The following IRAG1 variants were observed in gnomAD, a reference collection of about 807,000 sequenced individuals.
The protein encoded by IRAG1 is inositol 1,4,5-triphosphate receptor associated 1.
Under a neutral mutation model 106.2 loss-of-function variants are expected in IRAG1, and 62 were observed. That is an observed-to-expected ratio of 0.58 (90% CI 0.48 to 0.72). The LOEUF (loss-of-function observed/expected upper bound fraction) is 0.72, where lower values mean the gene tolerates loss of function less well. Ranked by LOEUF, IRAG1 falls within the 30% of genes least tolerant of loss-of-function variation. IRAG1 has a pLI of 0.00. For synonymous variants in IRAG1, 462 were observed against 443.9 expected, an observed-to-expected ratio of 1.04 and a Z score of -0.51; for missense variants, 1,064 against 1,140.7, an observed-to-expected ratio of 0.93 and a Z score of 0.97.
At chr11:10,674,463 A>G (rs904130851) in intron 1 of IRAG1, among the ~76,000 whole-genome samples, 1 of 152,162 alleles carries the variant, frequency 6.6e-6, no homozygotes, top group African/African-American at 2.4e-5. Flanking sequence ...GACAGGATTC[A>G]TCCCTCACTC....
chr11:10,664,090 T>C (rs964202881), intron 1 of IRAG1, among the ~76,000 whole-genome samples: 4 of 152,124 alleles, frequency 2.6e-5, no homozygotes, highest in Admixed American at 6.5e-5. Flanking sequence ...TCTTGATCAT[T>C]CTAGATCCCA....
rs554393428 is a variant in IRAG1 at position 10,684,455 on chromosome 11, T to C, written c.67+9081A>G. 4.6e-5 allele frequency among the ~76,000 whole-genome samples: 7 copies of C among 151,490 alleles called. No individual in the cohort carries two copies. The South Asian group carries it at 1.5e-3, about 32-fold the overall frequency. On this transcript the variant is annotated intron_variant, in intron 1 of 20. Transcript: ENST00000423302. ...GGGAACATCACACTCTGGGGACTGTTGTGGGGTGGGGAGAGCGGGGAGGGA... is the reference window on the plus strand; with the variant it reads ...GGGAACATCACACTCTGGGGACTGTCGTGGGGTGGGGAGAGCGGGGAGGGA...
chr11:10,640,593 A>T (rs1857442197), intron 2 of IRAG1, among the ~76,000 whole-genome samples: 1 of 152,210 alleles, frequency 6.6e-6, no homozygotes, highest in African/African-American at 2.4e-5. Flanking sequence ...ACAGTAATCC[A>T]GGAGAGAGTG....
At chr11:10,693,130 G>A (rs111769196) in intron 1 of IRAG1, among the ~76,000 whole-genome samples, 1 of 152,120 alleles carries the variant, frequency 6.6e-6, no homozygotes, top group African/African-American at 2.4e-5. Context: ...GGCGTAGGGG[G>A]ACAGAGAGAG....
chr11:10,597,023 G>A (rs769248256), intron 15 of IRAG1, among the ~76,000 whole-genome samples: 4 of 152,138 alleles, frequency 2.6e-5, no homozygotes, highest in Non-Finnish European at 4.4e-5. Flanking sequence ...GAAGAAACAG[G>A]GCAAACTGCA....
chr11:10,651,239 T>C (rs1858473047), intron 2 of IRAG1, among the ~76,000 whole-genome samples: 1 of 152,204 alleles, frequency 6.6e-6, no homozygotes, highest in African/African-American at 2.4e-5. Context: ...GATGCTCAAA[T>C]AGGTTCTTCA....
chr11:10,658,027 T>C (rs943956915), intron 1 of IRAG1, among the ~76,000 whole-genome samples: 13 of 152,254 alleles, frequency 8.5e-5, no homozygotes, highest in African/African-American at 3.1e-4. Flanking sequence ...GTGTCTGTGC[T>C]GTGAAAGCAG....
intron 2 of IRAG1, among the ~76,000 whole-genome samples, 173 bp downstream of exon 2, chr11:10,651,852 C>T (rs1286875831): frequency 6.6e-6 from 1 of 152,250 alleles, no homozygotes; most frequent in Non-Finnish European, 1.5e-5. Flanking sequence ...TTCAAACCAA[C>T]TCAGAGTAAT....
intron 8 of IRAG1, 145 bp downstream of exon 8, chr11:10,627,571 A>G (rs1856346641): frequency 1.3e-6 from 1 of 774,892 alleles, no homozygotes; most frequent in Admixed American, 2.3e-5. Context: ...AAGGCAGGGG[A>G]ATCTGCTGTT....
At position 10,653,709 on chromosome 11, in the gene IRAG1, A is replaced by G. The variant is rs558902417; in HGVS notation, c.68-1527T>C. On this transcript the variant is annotated intron_variant, in intron 1 of 20. Coordinates refer to ENST00000423302, the MANE Select transcript of IRAG1 (RefSeq NM_130385.4). ...GAATGCCTCCCAAGCAGGATGCTCC[A>G]AGGATGAAACACACTCAGTTCACAG... Among the ~76,000 whole-genome samples, 5 of 152,248 alleles carry G rather than the reference A, an allele frequency of 3.3e-5. No individual in the cohort carries two copies. The East Asian group carries it at 9.7e-4, about 29-fold the overall frequency.
At chr11:10,664,137 C>T (rs1008309169) in intron 1 of IRAG1, among the ~76,000 whole-genome samples, 3 of 152,190 alleles carry the variant, frequency 2.0e-5, no homozygotes, top group Non-Finnish European at 2.9e-5. Context: ...ACAAGAACAA[C>T]AGCAGCCGAG....
chr11:10,643,176 C>CAAAAAAAAAAAA (rs10679269), intron 2 of IRAG1, among the ~76,000 whole-genome samples: 1 of 60,256 alleles, frequency 1.7e-5, no homozygotes, highest in Non-Finnish European at 2.8e-5. Flanking sequence ...GACTCCGTCT[C>CAAAAAAAAAAAA]AAAAAAAAAA....
intron 1 of IRAG1, chr11:10,652,399 A>C: frequency 7.5e-7 from 1 of 1,334,716 alleles, no homozygotes. Context: ...TTTTGCATCT[A>C]ATTTGGTCTT....
At chr11:10,685,729 A>G (rs993884483) in intron 1 of IRAG1, among the ~76,000 whole-genome samples, 6 of 103,722 alleles carry the variant, frequency 5.8e-5, no homozygotes, top group Admixed American at 2.6e-4. Context: ...CTCTCTTGAA[A>G]AAAAAAAAAA....
At chr11:10,691,673 A>G (rs1451143313) in intron 1 of IRAG1, among the ~76,000 whole-genome samples, 6 of 151,280 alleles carry the variant, frequency 4.0e-5, no homozygotes, top group Non-Finnish European at 5.9e-5. Flanking sequence ...CCTCACCTGG[A>G]GCAGTAAGGT....
chr11:10,631,859 G>T, intron 4 of IRAG1, 132 bp downstream of exon 4: 1 of 675,130 alleles, frequency 1.5e-6, no homozygotes. Context: ...CGGAGGGGCT[G>T]ATCTACCCTG....
chr11:10,594,043 TC>T (rs1447967110), intron 16 of IRAG1, 102 bp downstream of exon 16: 3 of 1,095,794 alleles, frequency 2.7e-6, no homozygotes, highest in Non-Finnish European at 4.0e-6. Context: ...GTTCAGAGAT[TC>T]TCTGGCATCC....
Position 10,576,486 on chromosome 11 carries a change from A to G in IRAG1, c.2585T>C (p.Met862Thr). The change falls in exon 21 of 21, where the codon ATG (methionine) becomes ACG (threonine). Residue 862 changes from methionine to threonine, a missense_variant. Transcript: ENST00000423302. ...CCCCAGCACAACAGTCAAGACCAGC[A>G]TCACTGCAGCCATCATCCAGATCAC... ...WQVIWMMAAV[M>T]LVLTVVLGLY... The G allele has an allele frequency of 6.2e-7, 1 of 1,614,050 alleles. No individual in the cohort carries two copies. The highest frequency in any genetic ancestry group is 1.6e-4 in the Middle Eastern group (1 of 6,062).
intron 1 of IRAG1, among the ~76,000 whole-genome samples, chr11:10,669,890 G>A (rs903824): frequency 0.63 from 95,831 of 152,058 alleles, 30,720 homozygotes; most frequent in East Asian, 0.97. Context: ...TCCTAAAAGG[G>A]CTTGTGGCCA....
Sources: gnomAD v4.1 joint callset for allele counts (sites outside exome capture counted in the v4.1 genomes callset) on GRCh38, gnomAD v4.1.1 for gene constraint, MANE v1.5 for transcripts, NCBI Gene and HGNC (gene_info 2026-07-23, HGNC 2026-07-21) for gene names.